The following KLHL29 variants were observed in gnomAD, a reference collection of about 807,000 sequenced individuals.
The protein encoded by KLHL29 is kelch-like protein 29.
KLHL29 carries 21 observed loss-of-function variants against 80.4 expected under a neutral mutation model. That is an observed-to-expected ratio of 0.26 (90% CI 0.19 to 0.38). The LOEUF is 0.38. Among genes scored for constraint, KLHL29 ranks in the 10% least tolerant of loss-of-function variants. The probability of loss-of-function intolerance (pLI) is 1.00; values close to 1 mark genes in which losing one functional copy is unlikely to be tolerated. For synonymous variants in KLHL29, 511 were observed against 526.8 expected, an observed-to-expected ratio of 0.97 and a Z score of 0.41; for missense variants, 867 against 1,223.9, an observed-to-expected ratio of 0.71 and a Z score of 4.35.
chr2:23,430,436 T>C (rs1008073747), intron 1 of KLHL29, among the ~76,000 whole-genome samples: 2 of 152,230 alleles, frequency 1.3e-5, no homozygotes, highest in Admixed American at 1.3e-4. Context: ...ACGCATGTTC[T>C]AAAAGGAATC....
chr2:23,432,711 G>A (rs1663215959), intron 1 of KLHL29, among the ~76,000 whole-genome samples: 2 of 152,370 alleles, frequency 1.3e-5, no homozygotes, highest in Middle Eastern at 3.4e-3. Flanking sequence ...AAGAGAGGCA[G>A]CCAGGGCTGG....
chr2:23,513,833 G>A (rs545305058), intron 2 of KLHL29, among the ~76,000 whole-genome samples: 134 of 152,226 alleles, frequency 8.8e-4, no homozygotes, highest in African/African-American at 3.0e-3. Context: ...GACTTTCCAC[G>A]TCAGCCTACA....
chr2:23,473,532 C>T (rs1043913140), intron 1 of KLHL29, among the ~76,000 whole-genome samples: 3 of 152,078 alleles, frequency 2.0e-5, no homozygotes, highest in Non-Finnish European at 4.4e-5. Flanking sequence ...GAGGTAGGGA[C>T]CACAGAGATG....
At chr2:23,538,295 T>G (rs746216978) in intron 2 of KLHL29, among the ~76,000 whole-genome samples, 9 of 152,220 alleles carry the variant, frequency 5.9e-5, no homozygotes, top group Non-Finnish European at 8.8e-5. Context: ...AGGACCACAC[T>G]TTGAGAAACA....
intron 1 of KLHL29, among the ~76,000 whole-genome samples, chr2:23,441,868 A>G (rs1663535315): frequency 6.6e-6 from 1 of 152,214 alleles, no homozygotes; most frequent in African/African-American, 2.4e-5. Flanking sequence ...GCACTTATTC[A>G]GCCTCTGCTT....
chr2:23,398,248 C>CT (rs1358871710), intron 1 of KLHL29, among the ~76,000 whole-genome samples: 2 of 152,340 alleles, frequency 1.3e-5, no homozygotes, highest in African/African-American at 4.8e-5. Flanking sequence ...ACAAAATACA[C>CT]TAGATACATA....
Position 23,696,579 on chromosome 2 carries a change from C to T in KLHL29, c.2105+66C>T. 1 of 1,282,248 alleles carries T rather than the reference C, an allele frequency of 7.8e-7. No individual in the cohort carries two copies. Among genetic ancestry groups the T allele is most frequent in the Non-Finnish European group, 1.1e-6 (1 of 936,344 alleles). The allele number at this position is 1,282,248 out of a possible 1,614,324, so 79.4% of individuals were successfully genotyped here. A position where few individuals can be genotyped will look rare whatever the true frequency, so the allele number is the denominator to read the frequency against. The stretch of plus-strand genomic sequence containing the variant: ...CACCAAGAACTGAAATCACGTCACT[C>T]ACTGTACCTCCCAACACCCACTCAG... On this transcript the variant is annotated intron_variant, in intron 11 of 13. Coordinates refer to ENST00000486442, the MANE Select transcript of KLHL29 (RefSeq NM_052920.2). The surrounding 1 kb of genome is among the most constrained non-coding windows in gnomAD (Gnocchi z 5.5).
intron 2 of KLHL29, among the ~76,000 whole-genome samples, chr2:23,520,655 G>C (rs1265217389): frequency 1.3e-5 from 2 of 152,168 alleles, no homozygotes; most frequent in African/African-American, 4.8e-5. Flanking sequence ...TCTTTCAGTG[G>C]ACTATTTACG....
rs922317462 is a variant in KLHL29, at chr2:23,681,968, C to G, written c.941-2431C>G. Among the ~76,000 whole-genome samples the G allele has an allele frequency of 1.3e-5, 2 of 152,134 alleles. No homozygotes were observed. The highest frequency in any genetic ancestry group is 6.5e-5 in the Admixed American group (1 of 15,268). Reference sequence around the variant, plus strand: ...CGCCGCTGGGCTCTCTACCTTGTCTCTAGCCCAGGCCTCTATCCACCGCCT... The same window carrying G: ...CGCCGCTGGGCTCTCTACCTTGTCTGTAGCCCAGGCCTCTATCCACCGCCT... On this transcript the variant is annotated intron_variant, in intron 5 of 13. Transcript: ENST00000486442. This position sits in a 1 kb window ranked among gnomAD's most constrained non-coding sequence, Gnocchi z 4.2.
chr2:23,501,507 C>A (rs1040006480), intron 2 of KLHL29, among the ~76,000 whole-genome samples: 1 of 152,084 alleles, frequency 6.6e-6, no homozygotes. Flanking sequence ...TATCACTCAG[C>A]CCGATCATCG....
intron 1 of KLHL29, among the ~76,000 whole-genome samples, chr2:23,419,940 C>G (rs928521436): frequency 6.6e-6 from 1 of 152,178 alleles, no homozygotes. Context: ...TCCCTTCTCC[C>G]CACTGAGCCA....
chr2:23,398,558 G>A (rs1344504868), intron 1 of KLHL29, among the ~76,000 whole-genome samples: 1 of 152,258 alleles, frequency 6.6e-6, no homozygotes, highest in Non-Finnish European at 1.5e-5. Flanking sequence ...CAATATGCAT[G>A]TAGGTTTTGC....
chr2:23,490,701 G>A (rs567283100), intron 2 of KLHL29, among the ~76,000 whole-genome samples: 64 of 152,256 alleles, frequency 4.2e-4, no homozygotes, highest in African/African-American at 1.5e-3. Flanking sequence ...ATGGAAAGTT[G>A]GGGCTTGTAA....
intron 2 of KLHL29, among the ~76,000 whole-genome samples, chr2:23,543,164 A>C (rs1361922008): frequency 6.6e-6 from 1 of 152,092 alleles, no homozygotes; most frequent in African/African-American, 2.4e-5. Flanking sequence ...AGAGAGATGA[A>C]GAAGACATCT....
chr2:23,575,052 G>T (rs937700831), intron 3 of KLHL29, among the ~76,000 whole-genome samples: 1 of 152,168 alleles, frequency 6.6e-6, no homozygotes. Context: ...ACCTGATCTG[G>T]GTAGACAGCC....
intron 3 of KLHL29, among the ~76,000 whole-genome samples, chr2:23,573,598 C>T (rs1243690342): frequency 6.6e-6 from 1 of 152,200 alleles, no homozygotes; most frequent in Admixed American, 6.5e-5. Context: ...ACAGACTCCC[C>T]ACAGAACAGT....
At chr2:23,411,055 C>T (rs529655669) in intron 1 of KLHL29, among the ~76,000 whole-genome samples, 27 of 152,262 alleles carry the variant, frequency 1.8e-4, no homozygotes, top group African/African-American at 5.8e-4. Context: ...TCTAATTATT[C>T]ATGTAATAAA....
intron 3 of KLHL29, among the ~76,000 whole-genome samples, chr2:23,587,276 C>T (rs1007971385): frequency 1.2e-4 from 17 of 146,866 alleles, no homozygotes; most frequent in African/African-American, 4.1e-4. Context: ...TGCTTTTTGC[C>T]GGTGCTGTTC....
intron 2 of KLHL29, among the ~76,000 whole-genome samples, chr2:23,497,296 A>G (rs1572357566): frequency 6.6e-6 from 1 of 152,126 alleles, no homozygotes; most frequent in African/African-American, 2.4e-5. Flanking sequence ...GTGGCTGCCC[A>G]TGTGGTTCTC....
Sources: gnomAD v4.1 joint callset for allele counts (sites outside exome capture counted in the v4.1 genomes callset) on GRCh38, gnomAD v4.1.1 for gene constraint, Gnocchi (gnomAD v3.1) non-coding constraint, MANE v1.5 for transcripts, NCBI Gene and HGNC (gene_info 2026-07-23, HGNC 2026-07-21) for gene names.